CALN1: variants seen among roughly 807,000 people sequenced by gnomAD.
CALN1 encodes the protein calneuron 1, also known as calcium-binding protein 8.
A neutral mutation model predicts 30.6 loss-of-function variants in CALN1; 17 were observed. The ratio of observed to expected loss-of-function variants is 0.56; its 90% CI spans 0.38 to 0.83. CALN1 has a LOEUF of 0.83. Ranked by LOEUF, CALN1 falls within the 40% of genes least tolerant of loss-of-function variation. The probability of loss-of-function intolerance (pLI) is 0.00; values close to 1 mark genes in which losing one functional copy is unlikely to be tolerated. For synonymous variants in CALN1, 156 were observed against 131.4 expected (o/e 1.19, Z -1.28); for missense variants, 291 against 354.9 (o/e 0.82, Z 1.45).
chr7:72,021,284 C>CA (rs1243365943), intron 5 of CALN1, among the ~76,000 whole-genome samples: 1 of 151,354 alleles, frequency 6.6e-6, no homozygotes, highest in Non-Finnish European at 1.5e-5. Flanking sequence ...CTAAAATACA[C>CA]AAAAAACAAG....
chr7:72,045,996 C>CAA (rs34011098), intron 4 of CALN1, among the ~76,000 whole-genome samples: 5,343 of 90,614 alleles, frequency 0.059, 386 homozygotes, highest in African/African-American at 0.16. Context: ...GACTCCCTCT[C>CAA]AAAAAAAAAA....
chr7:71,827,068 G>A (rs574536582), intron 5 of CALN1, among the ~76,000 whole-genome samples: 8 of 152,176 alleles, frequency 5.3e-5, no homozygotes, highest in East Asian at 1.9e-4. Flanking sequence ...AGGTCACGTC[G>A]CAGAGCCTGG....
rs1491186200 is a variant in CALN1, at chr7:72,300,444, AAC to A, written c.120-21636_120-21635del. Among the ~76,000 whole-genome samples the A allele has an allele frequency of 2.5e-4, 38 of 152,318 alleles. 1 individual carries two copies. In the East Asian group the frequency reaches 2.7e-3, roughly 11 times the overall value. On this transcript the variant is annotated intron_variant, in intron 2 of 6. Transcript: ENST00000395275. The stretch of plus-strand genomic sequence containing the variant: ...AAAAAAGATAAAAACAAGAAAAAAA[AAC>A]AGTTAAAAATACAGAAATCAATAAG...
chr7:72,203,848 A>G (rs1446888532), intron 3 of CALN1, among the ~76,000 whole-genome samples: 1 of 152,138 alleles, frequency 6.6e-6, no homozygotes, highest in Non-Finnish European at 1.5e-5. Context: ...TACTAGCCCA[A>G]TGCAGAAGAT....
chr7:72,026,990 G>A lies in CALN1; in HGVS notation c.389-3221C>T, dbSNP rs79501870. On this transcript the variant is annotated intron_variant, in intron 4 of 6. Coordinates refer to ENST00000395275, the MANE Select transcript of CALN1 (RefSeq NM_031468.4). ...CCACTAGTCACAGGTGGGGCTGGAT[G>A]GCCAAACAGTCTTGAACTAAACTAT... 4.4e-3 allele frequency among the ~76,000 whole-genome samples: 665 copies of A among 152,220 alleles called. 2 individuals carry two copies. The highest frequency in any genetic ancestry group is 0.015 in the African/African-American group (623 of 41,544).
At chr7:72,115,629 C>T (rs1206003485) in intron 3 of CALN1, among the ~76,000 whole-genome samples, 1 of 151,276 alleles carries the variant, frequency 6.6e-6, no homozygotes, top group African/African-American at 2.4e-5. Flanking sequence ...GCTGGGATCA[C>T]AGGTATGTGC....
intron 4 of CALN1, among the ~76,000 whole-genome samples, chr7:72,030,502 G>A (rs1584782007): frequency 6.6e-6 from 1 of 152,088 alleles, no homozygotes; most frequent in Admixed American, 6.6e-5. Context: ...AACAGGGCTG[G>A]GAATACCCCC....
chr7:72,363,619 A>G (rs1437149400), intron 2 of CALN1, among the ~76,000 whole-genome samples: 1 of 152,162 alleles, frequency 6.6e-6, no homozygotes, highest in Non-Finnish European at 1.5e-5. Flanking sequence ...CTTAATAGAC[A>G]CAAAATGTTG....
At chr7:72,021,879 T>C (rs562583255) in intron 5 of CALN1, among the ~76,000 whole-genome samples, 4 of 152,260 alleles carry the variant, frequency 2.6e-5, no homozygotes, top group Non-Finnish European at 5.9e-5. Context: ...AATTGAGGAT[T>C]CAACCCCACA....
chr7:72,387,207 AGG>A (rs1185896367), intron 2 of CALN1, among the ~76,000 whole-genome samples: 1 of 113,722 alleles, frequency 8.8e-6, no homozygotes, highest in African/African-American at 3.2e-5. Context: ...GGAGGGAGGG[AGG>A]GAAGGAAGGA....
At position 71,958,165 on chromosome 7, in the gene CALN1, T is replaced by C. The variant is rs1039467569; in HGVS notation, c.501+65492A>G. The stretch of plus-strand genomic sequence containing the variant: ...TCTTACATGGTATATTCCATCATGG[T>C]GAAGTCTGAGATTTTAATGGATCCA... On this transcript the variant is annotated intron_variant, in intron 5 of 6. Coordinates refer to ENST00000395275, the MANE Select transcript of CALN1 (RefSeq NM_031468.4). Among the ~76,000 whole-genome samples the C allele has an allele frequency of 2.0e-5, 3 of 151,880 alleles. No homozygotes were observed. The South Asian group carries it at 6.2e-4, about 32-fold the overall frequency.
intron 5 of CALN1, among the ~76,000 whole-genome samples, chr7:71,956,251 G>C (rs1235118481): frequency 6.6e-6 from 1 of 152,058 alleles, no homozygotes; most frequent in African/African-American, 2.4e-5. Context: ...GCCTCCCAAA[G>C]TGCTGGGATT....
At chr7:71,795,242 G>A (rs1038935364) in intron 6 of CALN1, among the ~76,000 whole-genome samples, 2 of 152,086 alleles carry the variant, frequency 1.3e-5, no homozygotes, top group East Asian at 1.9e-4. Context: ...AGACGGTCTC[G>A]ATCTCTCGAC....
intron 3 of CALN1, among the ~76,000 whole-genome samples, chr7:72,201,178 G>GA (rs1791388772): frequency 6.6e-6 from 1 of 152,138 alleles, no homozygotes; most frequent in Non-Finnish European, 1.5e-5. Flanking sequence ...CTCAGGAACA[G>GA]AAAACCAAAT....
At chr7:72,336,904 C>T (rs1802096674) in intron 2 of CALN1, 3 of 984,956 alleles carry the variant, frequency 3.0e-6, no homozygotes, top group Non-Finnish European at 3.6e-6. Flanking sequence ...CCTCGGCGCC[C>T]CCGGGCCGCT....
intron 6 of CALN1, among the ~76,000 whole-genome samples, chr7:71,804,225 T>G (rs940448418): frequency 6.6e-6 from 1 of 152,158 alleles, no homozygotes. Context: ...TGCTATAACA[T>G]GGGCCCGCCA....
intron 5 of CALN1, among the ~76,000 whole-genome samples, chr7:71,867,044 C>T (rs146302951): frequency 7.9e-5 from 12 of 151,762 alleles, no homozygotes; most frequent in African/African-American, 1.9e-4. Flanking sequence ...ACTCAGGCAG[C>T]GGAGGCAGGG....
rs574063393 is a variant in CALN1, at chr7:71,999,531, T to G, written c.501+24126A>C. On this transcript the variant is annotated intron_variant, in intron 5 of 6. Coordinates refer to ENST00000395275, the MANE Select transcript of CALN1 (RefSeq NM_031468.4). Reference sequence around the variant, plus strand: ...CAGCAGCATATGCATTTTTTTTTTTTGAGTTGGAATCTCACTCTGTCACCC... The same window carrying G: ...CAGCAGCATATGCATTTTTTTTTTTGGAGTTGGAATCTCACTCTGTCACCC... 6.6e-5 allele frequency among the ~76,000 whole-genome samples: 10 copies of G among 152,126 alleles called. No individual in the cohort carries two copies. The South Asian group carries it at 2.1e-3, about 32-fold the overall frequency.
chr7:71,800,145 G>A (rs1787218929), intron 6 of CALN1, among the ~76,000 whole-genome samples: 1 of 152,232 alleles, frequency 6.6e-6, no homozygotes, highest in Non-Finnish European at 1.5e-5. Context: ...GGGGAGGACT[G>A]AGCTGGGAAC....
Sources: allele counts gnomAD v4.1 joint callset (sites outside exome capture counted in the v4.1 genomes callset), GRCh38; gene constraint gnomAD v4.1.1; transcripts MANE v1.5; gene names NCBI Gene and HGNC (gene_info 2026-07-23, HGNC 2026-07-21).